The following CCM2 variants were observed in gnomAD, a reference collection of about 807,000 sequenced individuals.
CCM2 encodes CCM2 scaffold protein, also known as cerebral cavernous malformations 2 protein.
A neutral mutation model predicts 44.9 loss-of-function variants in CCM2; 25 were observed. That is an observed-to-expected ratio of 0.56 (90% CI 0.41 to 0.78). The LOEUF (loss-of-function observed/expected upper bound fraction) is 0.78, where lower values mean the gene tolerates loss of function less well. Among genes scored for constraint, CCM2 ranks in the 30% least tolerant of loss-of-function variants. The probability of loss-of-function intolerance (pLI) is 0.00; values close to 1 mark genes in which losing one functional copy is unlikely to be tolerated. For synonymous variants in CCM2, 219 were observed against 241.1 expected, an observed-to-expected ratio of 0.91 and a Z score of 0.85; for missense variants, 481 against 580.6, an observed-to-expected ratio of 0.83 and a Z score of 1.76.
intron 2 of CCM2, among the ~76,000 whole-genome samples, chr7:45,061,884 G>T (rs1179830615): frequency 6.6e-6 from 1 of 152,138 alleles, no homozygotes; most frequent in South Asian, 2.1e-4. Context: ...GCTCATGGAG[G>T]TAAAACTCAG....
At chr7:45,021,195 T>C (rs1199364035) in intron 1 of CCM2, among the ~76,000 whole-genome samples, 1 of 152,054 alleles carries the variant, frequency 6.6e-6, no homozygotes, top group Non-Finnish European at 1.5e-5. Flanking sequence ...AGTTAGAGAA[T>C]GCAGTGAGCC....
At chr7:45,075,189 T>G (rs1799282529) in intron 9 of CCM2, among the ~76,000 whole-genome samples, 1 of 152,232 alleles carries the variant, frequency 6.6e-6, no homozygotes, top group African/African-American at 2.4e-5. Context: ...GCCCCTTCTG[T>G]GCTGGGCCCT....
Position 45,000,246 on chromosome 7 carries a change from C to T in CCM2, c.-88C>T, listed in dbSNP as rs1373108663. 43 of 759,040 alleles carry T rather than the reference C, an allele frequency of 5.7e-5. 1 individual carries two copies. Among genetic ancestry groups the T allele is most frequent in the South Asian group, 6.3e-5 (1 of 15,966 alleles). 47.0% of individuals were successfully genotyped at this position (759,040 alleles called of 1,614,324 possible). On this transcript the variant is annotated 5_prime_UTR_variant, in exon 1 of 10. Coordinates refer to ENST00000258781, the MANE Select transcript of CCM2 (RefSeq NM_031443.4). ...GCGGGCGGCGCCGGGAGCGCGGGGGCGGCGGGCCCGGGTCGAGCATGTAGC... is the reference window on the plus strand; with the variant it reads ...GCGGGCGGCGCCGGGAGCGCGGGGGTGGCGGGCCCGGGTCGAGCATGTAGC...
At chr7:45,018,490 G>A (rs1246170061) in intron 1 of CCM2, among the ~76,000 whole-genome samples, 1 of 151,966 alleles carries the variant, frequency 6.6e-6, no homozygotes, top group Non-Finnish European at 1.5e-5. Context: ...CTGGGTAGCT[G>A]TGATTATAGG....
chr7:45,066,623 G>C (rs1277075334), intron 4 of CCM2, among the ~76,000 whole-genome samples: 1 of 152,216 alleles, frequency 6.6e-6, no homozygotes, highest in Admixed American at 6.5e-5. Context: ...GCCAGGTCTA[G>C]CTGCAATAGG....
Position 45,042,968 on chromosome 7 carries a change from C to CT in CCM2, c.204+4560dup, listed in dbSNP as rs35874377. On this transcript the variant is annotated intron_variant, in intron 2 of 9. Transcript: ENST00000258781. ...CTCTGCTTTCTCTTCTCTTCTTCTT[C>CT]TTTTTTTTTTTTTTTTTTCCTTGAG... is the stretch of plus-strand genomic sequence containing the variant. Among the ~76,000 whole-genome samples, 295 of 134,628 alleles carry CT rather than the reference C, an allele frequency of 2.2e-3. 2 individuals are homozygous for CT. The highest frequency in any genetic ancestry group is 0.022 in the East Asian group (102 of 4,708). 88.3% of individuals were successfully genotyped at this position (134,628 alleles called of 152,430 possible).
At chr7:45,057,308 G>A (rs1798308152) in intron 2 of CCM2, among the ~76,000 whole-genome samples, 1 of 152,090 alleles carries the variant, frequency 6.6e-6, no homozygotes, top group African/African-American at 2.4e-5. Context: ...GACTACAGGT[G>A]TGCGCCGCCA....
intron 2 of CCM2, among the ~76,000 whole-genome samples, chr7:45,047,781 C>G (rs1312971273): frequency 5.3e-5 from 8 of 152,150 alleles, no homozygotes. Flanking sequence ...GTGTTTACAT[C>G]CATGTCCTGG....
At chr7:45,022,578 T>A (rs1186043859) in intron 1 of CCM2, among the ~76,000 whole-genome samples, 2 of 151,892 alleles carry the variant, frequency 1.3e-5, no homozygotes, top group East Asian at 3.9e-4. Context: ...AGTGCTGGGA[T>A]TACAGGCATG....
chr7:45,064,874 G>A, intron 4 of CCM2, among the ~76,000 whole-genome samples: 1 of 152,086 alleles, frequency 6.6e-6, no homozygotes, highest in East Asian at 1.9e-4. Flanking sequence ...AATAATACTG[G>A]GATACAGTAT....
At chr7:45,031,315 G>A (rs1192132528) in intron 1 of CCM2, among the ~76,000 whole-genome samples, 1 of 149,838 alleles carries the variant, frequency 6.7e-6, no homozygotes, top group Non-Finnish European at 1.5e-5. Flanking sequence ...CCGGGAGGTG[G>A]AGGTTGCAGT....
At chr7:45,072,676 C>A in intron 6 of CCM2, 50 bp from the exon 7 acceptor site, 2 of 1,441,604 alleles carry the variant, frequency 1.4e-6, no homozygotes, top group East Asian at 2.3e-5. Flanking sequence ...CAAAATGCCT[C>A]CCCACTATGT....
intron 1 of CCM2, among the ~76,000 whole-genome samples, chr7:45,008,208 T>G (rs1029162175): frequency 9.9e-5 from 15 of 152,002 alleles, no homozygotes; most frequent in African/African-American, 3.6e-4. Context: ...CCCGGCTAAT[T>G]TTTTTATTTT....
chr7:45,046,544 T>G (rs1797764733), intron 2 of CCM2, among the ~76,000 whole-genome samples: 1 of 152,204 alleles, frequency 6.6e-6, no homozygotes, highest in African/African-American at 2.4e-5. Context: ...GTTGGACATT[T>G]GTAGGCAAAA....
At chr7:45,042,690 C>CA (rs1797569644) in intron 2 of CCM2, among the ~76,000 whole-genome samples, 1 of 151,974 alleles carries the variant, frequency 6.6e-6, no homozygotes, top group African/African-American at 2.4e-5. Flanking sequence ...CACAGTGGGC[C>CA]AAAAAATAGA....
chr7:45,063,155 C>T (rs1205729014), intron 2 of CCM2: 1 of 152,314 alleles, frequency 6.6e-6, no homozygotes, highest in African/African-American at 2.4e-5. Flanking sequence ...TCACCACAAC[C>T]TCCGCCTCCC....
rs762043544 is a variant in CCM2 at position 45,074,426 on chromosome 7, A to G, written c.1054+18A>G. 82 of 1,608,242 alleles carry G rather than the reference A, an allele frequency of 5.1e-5. No homozygotes were observed. The highest frequency in any genetic ancestry group is 6.4e-5 in the Non-Finnish European group (75 of 1,176,536). Reference sequence around the variant, plus strand: ...GCTGCTTGGTGAGTGGGCCCTGGAAAGAGGGTGGCTTGTCCAAACCTGGCT... The same window carrying G: ...GCTGCTTGGTGAGTGGGCCCTGGAAGGAGGGTGGCTTGTCCAAACCTGGCT... On this transcript the variant is annotated intron_variant, in intron 9 of 9. Transcript: ENST00000258781.
At chr7:45,001,304 C>G (rs1321304790) in intron 1 of CCM2, among the ~76,000 whole-genome samples, 1 of 152,184 alleles carries the variant, frequency 6.6e-6, no homozygotes, top group Non-Finnish European at 1.5e-5. Context: ...TCTACTTTCT[C>G]AACTCATTGT....
At chr7:45,071,686 T>C (rs1799080399) in intron 6 of CCM2, 3 of 443,190 alleles carry the variant, frequency 6.8e-6, no homozygotes, top group South Asian at 1.6e-5. Context: ...GCCATTTCCT[T>C]GTCTTTCCAG....
Sources: gnomAD v4.1 joint callset for allele counts (sites outside exome capture counted in the v4.1 genomes callset) on GRCh38, gnomAD v4.1.1 for gene constraint, MANE v1.5 for transcripts, NCBI Gene and HGNC (gene_info 2026-07-23, HGNC 2026-07-21) for gene names.